NBEA: variants seen among roughly 807,000 people sequenced by gnomAD.
The protein encoded by NBEA is lysosomal-trafficking regulator 2.
Under a neutral mutation model 343.4 loss-of-function variants are expected in NBEA, and 44 were observed. The observed-to-expected ratio is 0.13, with a 90% CI of 0.10 to 0.16. NBEA has a LOEUF of 0.16. Ranked by LOEUF, NBEA falls within the 10% of genes least tolerant of loss-of-function variation. NBEA has a pLI of 1.00. For synonymous variants in NBEA, 1,175 were observed against 1,238.7 expected (o/e 0.95, Z 1.08); for missense variants, 2,555 against 3,631.3 (o/e 0.70, Z 7.62).
chr13:35,053,550 C>T (rs1190048732), intron 6 of NBEA, among the ~76,000 whole-genome samples: 1 of 151,958 alleles, frequency 6.6e-6, no homozygotes, highest in Non-Finnish European at 1.5e-5. Context: ...ACTCTCTATT[C>T]TCATAACTGT....
intron 38 of NBEA, among the ~76,000 whole-genome samples, chr13:35,424,622 G>T (rs944797194): frequency 8.6e-5 from 13 of 151,902 alleles, no homozygotes; most frequent in Admixed American, 2.0e-4. Flanking sequence ...TTTTCAGTTG[G>T]GTCTCTGCCA....
At chr13:35,646,971 A>G (rs1349011634) in intron 51 of NBEA, among the ~76,000 whole-genome samples, 1 of 152,234 alleles carries the variant, frequency 6.6e-6, no homozygotes, top group African/African-American at 2.4e-5. Context: ...GAATGATTCA[A>G]TACTGTATAG....
intron 17 of NBEA, among the ~76,000 whole-genome samples, chr13:35,136,811 T>C (rs2067756341): frequency 6.6e-6 from 1 of 152,148 alleles, no homozygotes; most frequent in Non-Finnish European, 1.5e-5. Flanking sequence ...CATCTCCTCT[T>C]GAATGGCATC....
At chr13:35,376,903 A>G (rs534415582) in intron 38 of NBEA, among the ~76,000 whole-genome samples, 1 of 152,238 alleles carries the variant, frequency 6.6e-6, no homozygotes, top group Non-Finnish European at 1.5e-5. Context: ...TGGTGAACTT[A>G]CCTATTGAGA....
At chr13:35,138,030 A>G (rs1358966227) in intron 17 of NBEA, among the ~76,000 whole-genome samples, 2 of 152,150 alleles carry the variant, frequency 1.3e-5, no homozygotes, top group African/African-American at 2.4e-5. Flanking sequence ...TCTCATAATT[A>G]GTAGAAAAAA....
At chr13:35,095,091 G>C (rs1240259683) in intron 10 of NBEA, among the ~76,000 whole-genome samples, 2 of 151,406 alleles carry the variant, frequency 1.3e-5, no homozygotes, top group African/African-American at 4.8e-5. Flanking sequence ...ACAGAACTTA[G>C]GTTTATATAT....
intron 1 of NBEA, among the ~76,000 whole-genome samples, chr13:34,990,564 G>A (rs1233429526): frequency 6.0e-5 from 9 of 150,900 alleles, no homozygotes; most frequent in Non-Finnish European, 1.3e-4. Context: ...GCAGGGCCCT[G>A]GGCTTTGCTC....
At chr13:34,994,198 CAAAAAAAAA>C (rs57966701) in intron 1 of NBEA, among the ~76,000 whole-genome samples, 25 of 29,918 alleles carry the variant, frequency 8.4e-4, no homozygotes, top group South Asian at 1.6e-3. Flanking sequence ...GCTCTGTCTC[CAAAAAAAAA>C]AAAAAAAAAA....
chr13:35,334,211 A>G (rs1416623004), intron 36 of NBEA, among the ~76,000 whole-genome samples: 1 of 152,228 alleles, frequency 6.6e-6, no homozygotes, highest in Non-Finnish European at 1.5e-5. Flanking sequence ...AGCATTTGAT[A>G]TTGCTAAAGT....
intron 36 of NBEA, among the ~76,000 whole-genome samples, chr13:35,332,220 G>A (rs1315773762): frequency 6.6e-6 from 1 of 152,028 alleles, no homozygotes; most frequent in Non-Finnish European, 1.5e-5. Flanking sequence ...AAGAAAATAA[G>A]AGGAAATAGC....
At chr13:35,473,210 G>A (rs1347920198) in intron 41 of NBEA, among the ~76,000 whole-genome samples, 1 of 150,914 alleles carries the variant, frequency 6.6e-6, no homozygotes, top group Non-Finnish European at 1.5e-5. Context: ...TATTAGAGTA[G>A]CTCTTTCTCA....
chr13:35,319,471 T>C (rs1414251787), intron 36 of NBEA, among the ~76,000 whole-genome samples: 1 of 151,986 alleles, frequency 6.6e-6, no homozygotes, highest in East Asian at 1.9e-4. Flanking sequence ...ACTGTTATGA[T>C]ATCCATTCTT....
intron 38 of NBEA, among the ~76,000 whole-genome samples, chr13:35,404,013 C>T (rs1471270255): frequency 6.6e-5 from 5 of 75,344 alleles, no homozygotes; most frequent in African/African-American, 1.5e-4. Context: ...CTCATCATCA[C>T]TGGCCATCAG....
At chr13:35,423,905 T>G (rs1014052530) in intron 38 of NBEA, among the ~76,000 whole-genome samples, 31 of 152,218 alleles carry the variant, frequency 2.0e-4, no homozygotes, top group African/African-American at 7.5e-4. Flanking sequence ...TTATTCTCTT[T>G]GAAGCAATTG....
At chr13:35,146,552 T>C (rs537449109) in intron 18 of NBEA, among the ~76,000 whole-genome samples, 26 of 152,236 alleles carry the variant, frequency 1.7e-4, no homozygotes, top group Admixed American at 1.4e-3. Flanking sequence ...GCATTCCCTT[T>C]TCCAGTGGCC....
chr13:35,149,884 T>C (rs1338220491), intron 18 of NBEA, among the ~76,000 whole-genome samples: 1 of 152,218 alleles, frequency 6.6e-6, no homozygotes, highest in Non-Finnish European at 1.5e-5. Flanking sequence ...CACATATATG[T>C]ATTTCTATTA....
At position 35,043,069 on chromosome 13, in the gene NBEA, C is replaced by T. The variant is rs2062712186; in HGVS notation, c.527-1878C>T. On this transcript the variant is annotated intron_variant, in intron 2 of 58. Coordinates refer to ENST00000379939, the MANE Select transcript of NBEA (RefSeq NM_001385012.1). Reference sequence around the variant, plus strand: ...AATCTTGTTCTCCAGCAAAGAAGACCGTCTATAATAAAATTAAACTGAGCT... The same window carrying T: ...AATCTTGTTCTCCAGCAAAGAAGACTGTCTATAATAAAATTAAACTGAGCT... 3.3e-5 allele frequency among the ~76,000 whole-genome samples: 5 copies of T among 151,680 alleles called. No homozygotes were observed. In the South Asian group the frequency reaches 6.2e-4, roughly 19 times the overall value.
At chr13:35,666,265 AT>A (rs1382626485) in intron 56 of NBEA, among the ~76,000 whole-genome samples, 26 of 152,246 alleles carry the variant, frequency 1.7e-4, no homozygotes, top group African/African-American at 5.8e-4. Context: ...TCTACGGAGA[AT>A]GGATAGAGTC....
intron 41 of NBEA, among the ~76,000 whole-genome samples, chr13:35,502,090 G>A (rs1243233141): frequency 3.3e-5 from 5 of 152,096 alleles, no homozygotes; most frequent in African/African-American, 1.2e-4. Context: ...TAGTGGAGTG[G>A]AGAGATGGAC....
Sources: allele counts gnomAD v4.1 joint callset (sites outside exome capture counted in the v4.1 genomes callset), GRCh38; gene constraint gnomAD v4.1.1; transcripts MANE v1.5; gene names NCBI Gene and HGNC (gene_info 2026-07-23, HGNC 2026-07-21).